The following NECAB2 variants were observed in gnomAD, a reference collection of about 807,000 sequenced individuals.
NECAB2 encodes the protein N-terminal EF-hand calcium binding protein 2, also known as N-terminal EF-hand calcium-binding protein 2.
In NECAB2, 68 loss-of-function variants were observed where a neutral mutation model predicts 51.9. That is an observed-to-expected ratio of 1.31 (90% CI 1.08 to 1.60). The LOEUF (loss-of-function observed/expected upper bound fraction) is 1.60, where lower values mean the gene tolerates loss of function less well. NECAB2 is among the 40% of genes most tolerant of loss of function. The pLI, the probability that NECAB2 is intolerant of heterozygous loss-of-function variation, is 0.00. For synonymous variants in NECAB2, 329 were observed against 203.5 expected (o/e 1.62, Z -5.25); for missense variants, 854 against 490.3 (o/e 1.74, Z -7.00).
At chr16:83,982,383 A>G (rs1362896825) in intron 5 of NECAB2, among the ~76,000 whole-genome samples, 1 of 152,192 alleles carries the variant, frequency 6.6e-6, no homozygotes, top group Non-Finnish European at 1.5e-5. Context: ...GCTCCCTTCA[A>G]GTATTAATCT....
chr16:83,990,371 C>T (rs1280251063), intron 5 of NECAB2, 123 bp from the exon 6 acceptor site: 1 of 1,299,078 alleles, frequency 7.7e-7, no homozygotes, highest in South Asian at 1.4e-5. Flanking sequence ...GCCGTGGGGT[C>T]CTCCCTTCCC....
chr16:83,988,352 C>T (rs184201748), intron 5 of NECAB2, among the ~76,000 whole-genome samples: 4 of 152,116 alleles, frequency 2.6e-5, no homozygotes, highest in Non-Finnish European at 5.9e-5. Context: ...TTCACTTCAT[C>T]AGTTACTTTA....
intron 1 of NECAB2, among the ~76,000 whole-genome samples, chr16:83,970,731 C>G (rs1322501149): frequency 6.6e-6 from 1 of 152,190 alleles, no homozygotes; most frequent in Non-Finnish European, 1.5e-5. Context: ...CAGTACCCTC[C>G]TTGTTAAAAC....
intron 1 of NECAB2, chr16:83,971,334 G>A (rs1394114541): frequency 1.3e-5 from 2 of 152,220 alleles, no homozygotes; most frequent in Non-Finnish European, 2.9e-5. Context: ...CAGTCACCCT[G>A]GGGTGTGGCC....
intron 8 of NECAB2, among the ~76,000 whole-genome samples, chr16:83,996,332 C>A (rs1179642866): frequency 6.6e-6 from 1 of 152,108 alleles, no homozygotes; most frequent in African/African-American, 2.4e-5. Context: ...GAAGGCAGTA[C>A]CCTTGCCAGG....
chr16:83,998,276 C>T lies in NECAB2; in HGVS notation c.921C>T (p.Arg307=), dbSNP rs35649588. The T allele has an allele frequency of 1.2e-3, 1,938 of 1,613,516 alleles. 21 individuals carry two copies. The African/African-American group carries it at 0.022, about 18-fold the overall frequency. The change falls in exon 10 of 13, where the codon CGC becomes CGT. Residue 307 remains arginine, a synonymous_variant. Transcript: ENST00000305202. The part of the protein sequence containing the change: ...EQLSEFLDSL[R]QYLRGTTGVR... The stretch of plus-strand genomic sequence containing the variant: ...TGAGCGAGTTTCTGGACTCTCTGCG[C>T]CAGTATCTGCGGGGGACCACTGGCG...
At position 83,998,269 on chromosome 16, in the gene NECAB2, C is replaced by A; in HGVS notation, c.914C>A (p.Ser305Tyr). 12 of 1,613,376 alleles carry A rather than the reference C, an allele frequency of 7.4e-6. No homozygotes were observed. The highest frequency in any genetic ancestry group is 1.0e-5 in the Non-Finnish European group (12 of 1,180,014). ...CPEQLSEFLD[S>Y]LRQYLRGTTG... is the part of the protein sequence containing the mutation. ...GAGCAACTGAGCGAGTTTCTGGACT[C>A]TCTGCGCCAGTATCTGCGGGGGACC... Residue 305 changes from serine to tyrosine, a missense_variant, in exon 10 of 13, where the codon TCT becomes TAT. Physicochemically the swap from Ser to Tyr is moderately radical, Grantham distance 144 (BLOSUM62 -2). Coordinates refer to ENST00000305202, the MANE Select transcript of NECAB2 (RefSeq NM_019065.3).
chr16:83,970,317 C>T (rs1030793542), intron 1 of NECAB2, among the ~76,000 whole-genome samples: 1 of 152,172 alleles, frequency 6.6e-6, no homozygotes, highest in Admixed American at 6.5e-5. Flanking sequence ...CCGGCACCTA[C>T]CTGGTGCCTG....
chr16:83,986,011 TC>T (rs1271027150), intron 5 of NECAB2, among the ~76,000 whole-genome samples: 1 of 152,188 alleles, frequency 6.6e-6, no homozygotes. Flanking sequence ...AAATATTTTT[TC>T]TTGTTTCTTT....
In NECAB2 at chr16:83,972,799, C is replaced by G. The variant is rs937654233; in HGVS notation, c.226+624C>G. On this transcript the variant is annotated intron_variant, in intron 2 of 12. Transcript: ENST00000305202. ...GGAATTCATAGCGCTCCACTTCTCC[C>G]GACTCCTTGGAGGGGCTTCACTTGC... Among the ~76,000 whole-genome samples the G allele has an allele frequency of 3.3e-5, 5 of 152,342 alleles. No individual in the cohort carries two copies. The East Asian group carries it at 7.7e-4, about 24-fold the overall frequency.
At chr16:83,990,399 C>T (rs904627085) in intron 5 of NECAB2, 95 bp from the exon 6 acceptor site, 8 of 1,498,802 alleles carry the variant, frequency 5.3e-6, no homozygotes, top group Middle Eastern at 1.8e-4. Flanking sequence ...AGCAAATTCA[C>T]CAGCACCAGC....
chr16:83,994,044 G>A (rs73248827), intron 6 of NECAB2, among the ~76,000 whole-genome samples: 1,693 of 152,300 alleles, frequency 0.011, 33 homozygotes, highest in African/African-American at 0.038. Context: ...ATCTCTTGGG[G>A]AAAAGGCCTA....
chr16:83,994,530 G>C, intron 7 of NECAB2, 79 bp from the exon 8 acceptor site: 3 of 1,597,660 alleles, frequency 1.9e-6, no homozygotes, highest in Non-Finnish European at 2.6e-6. Flanking sequence ...CCCCTGGAGG[G>C]GCTGGATGTT....
In NECAB2 at chr16:84,000,483, A is replaced by AAAAG. The variant is rs965794582; in HGVS notation, c.963-237_963-234dup. Among the ~76,000 whole-genome samples, 320 of 152,286 alleles carry AAAAG rather than the reference A, an allele frequency of 2.1e-3. 2 individuals carry two copies. Among genetic ancestry groups the AAAAG allele is most frequent in the African/African-American group, 7.2e-3 (301 of 41,570 alleles). On this transcript the variant is annotated intron_variant, in intron 10 of 12. Coordinates refer to ENST00000305202, the MANE Select transcript of NECAB2 (RefSeq NM_019065.3). ...GGGCAACAGAGTGAGACCCTATCTCAAAAGAAAAACTACACTGCATTGATT... is the reference window on the plus strand; with the variant it reads ...GGGCAACAGAGTGAGACCCTATCTCAAAAGAAAGAAAAACTACACTGCATTGATT...
At chr16:83,993,501 G>A (rs904405464) in intron 6 of NECAB2, 22 of 154,262 alleles carry the variant, frequency 1.4e-4, no homozygotes, top group African/African-American at 5.3e-4. Context: ...TTCTGGGGGA[G>A]TGTCTGTGTT....
intron 7 of NECAB2, 70 bp from the exon 8 acceptor site, chr16:83,994,539 T>A: frequency 1.2e-6 from 2 of 1,600,886 alleles, no homozygotes; most frequent in Non-Finnish European, 1.7e-6. Flanking sequence ...GGGCTGGATG[T>A]TTCCAGCTTC....
chr16:83,965,316 C>A, upstream of NECAB2: 5 of 1,583,608 alleles, frequency 3.2e-6, no homozygotes, highest in Non-Finnish European at 4.3e-6. Flanking sequence ...GCCACAGGCA[C>A]GTTCGACAGC....
Position 83,997,166 on chromosome 16 carries a change from G to A in NECAB2, c.796-50G>A, listed in dbSNP as rs373830416. On this transcript the variant is annotated intron_variant, in intron 8 of 12. Transcript: ENST00000305202. ...GATCCCAGAGCTCCTGGCTCCCCGG[G>A]GCGGAGTGGGGCTCTGGGTCTAGCA... The A allele has an allele frequency of 8.1e-6, 13 of 1,612,270 alleles. No individual in the cohort carries two copies. In the African/African-American group the frequency reaches 1.2e-4, roughly 15 times the overall value.
At chr16:83,996,735 C>T (rs6563988) in intron 8 of NECAB2, among the ~76,000 whole-genome samples, 75,006 of 151,946 alleles carry the variant, frequency 0.49, 21,936 homozygotes, top group African/African-American at 0.83. Flanking sequence ...CAGTCGTGGG[C>T]GAACAGAGCA....
Sources: gnomAD v4.1 joint callset for allele counts (sites outside exome capture counted in the v4.1 genomes callset) on GRCh38, gnomAD v4.1.1 for gene constraint, MANE v1.5 for transcripts, NCBI Gene and HGNC (gene_info 2026-07-23, HGNC 2026-07-21) for gene names.